CEP57: variants seen among roughly 807,000 people sequenced by gnomAD.
CEP57 encodes the protein centrosomal protein of 57 kDa.
In CEP57, 40 loss-of-function variants were observed where a neutral mutation model predicts 68.0. That is an observed-to-expected ratio of 0.59 (90% CI 0.46 to 0.77). The LOEUF (loss-of-function observed/expected upper bound fraction) is 0.77. CEP57 is among the 30% of genes least tolerant of loss of function. CEP57 has a pLI of 0.00. For synonymous variants in CEP57, 219 were observed against 198.7 expected, an observed-to-expected ratio of 1.10 and a Z score of -0.86; for missense variants, 606 against 580.7, an observed-to-expected ratio of 1.04 and a Z score of -0.45.
chr11:95,821,220 T>G (rs139952544), intron 6 of CEP57, among the ~76,000 whole-genome samples: 1 of 152,308 alleles, frequency 6.6e-6, no homozygotes, highest in East Asian at 1.9e-4. Flanking sequence ...TTGTTTTGTT[T>G]TTTTAAAAAG....
intron 7 of CEP57, 71 bp downstream of exon 7, chr11:95,822,049 CTG>C: frequency 4.0e-6 from 4 of 1,001,522 alleles, no homozygotes; most frequent in East Asian, 2.5e-5. Flanking sequence ...CACCCATAAA[CTG>C]TGTGGTGTAC....
intron 10 of CEP57, among the ~76,000 whole-genome samples, chr11:95,829,870 A>G (rs1215919579): frequency 1.3e-5 from 2 of 152,218 alleles, no homozygotes; most frequent in Non-Finnish European, 2.9e-5. Context: ...GAGATCAGCT[A>G]TAGATGTATC....
At chr11:95,820,284 G>A (rs1862465673) in intron 6 of CEP57, among the ~76,000 whole-genome samples, 1 of 152,138 alleles carries the variant, frequency 6.6e-6, no homozygotes, top group Non-Finnish European at 1.5e-5. Flanking sequence ...ATGAGGGATA[G>A]ATGTGTGGTT....
intron 1 of CEP57, chr11:95,795,443 A>C: frequency 2.4e-6 from 1 of 419,086 alleles, no homozygotes; most frequent in Non-Finnish European, 4.2e-6. Flanking sequence ...GTTTTGTTCT[A>C]TTTAGTCATG....
rs1861767922 is a variant in CEP57, at chr11:95,805,682, A to G, written c.202+6294A>G. 2.0e-5 allele frequency among the ~76,000 whole-genome samples: 3 copies of G among 152,236 alleles called. No homozygotes were observed. In the South Asian group the frequency reaches 6.2e-4, roughly 31 times the overall value. ...TACTTGGAAATGTTTTAAGATTTATATAATATAGGTGACTGTTAGAATCAA... is the reference window on the plus strand; with the variant it reads ...TACTTGGAAATGTTTTAAGATTTATGTAATATAGGTGACTGTTAGAATCAA... On this transcript the variant is annotated intron_variant, in intron 2 of 10. Coordinates refer to ENST00000325542, the MANE Select transcript of CEP57 (RefSeq NM_014679.5).
chr11:95,814,261 C>T (rs1280982005), intron 4 of CEP57, among the ~76,000 whole-genome samples: 1 of 151,758 alleles, frequency 6.6e-6, no homozygotes. Flanking sequence ...TGTGGCCAGG[C>T]TGGTCTCAAA....
Position 95,832,368 on chromosome 11 carries a change from TAGAA to T in CEP57, c.*1116_*1119del, listed in dbSNP as rs761058174. 6 of 152,128 alleles carry T rather than the reference TAGAA, an allele frequency of 3.9e-5. No homozygotes were observed. Among genetic ancestry groups the T allele is most frequent in the East Asian group, 1.9e-4 (1 of 5,190 alleles). The allele number at this position is 152,128 out of a possible 1,614,324, so 9.4% of individuals were successfully genotyped here. A position where few individuals can be genotyped will look rare whatever the true frequency, so the allele number is the denominator to read the frequency against. On this transcript the variant is annotated 3_prime_UTR_variant, in exon 11 of 11. Transcript: ENST00000325542. Reference sequence around the variant, plus strand: ...CTTAGTTGCCACACTCATGCTTACATAGAAAGAGAGCCCAAGAATATTAGATTTC... The same window carrying T: ...CTTAGTTGCCACACTCATGCTTACATAGAGAGCCCAAGAATATTAGATTTC...
At chr11:95,808,508 T>TGGAGG (rs1861909388) in intron 2 of CEP57, among the ~76,000 whole-genome samples, 2 of 151,656 alleles carry the variant, frequency 1.3e-5, no homozygotes, top group Non-Finnish European at 2.9e-5. Flanking sequence ...AGGCTCAAAA[T>TGGAGG]AAAAGGATGG....
intron 2 of CEP57, among the ~76,000 whole-genome samples, chr11:95,809,002 C>T (rs971985628): frequency 6.6e-6 from 1 of 152,206 alleles, no homozygotes; most frequent in Non-Finnish European, 1.5e-5. Flanking sequence ...AACAGACTGT[C>T]TCTCAGACCA....
chr11:95,829,045 A>C, intron 9 of CEP57, 142 bp from the exon 10 acceptor site: 1 of 908,680 alleles, frequency 1.1e-6, no homozygotes, highest in Non-Finnish European at 1.7e-6. Context: ...CCGTCTCAAA[A>C]AAAAAAAAAA....
rs371065160 is a variant in CEP57 at position 95,814,602 on chromosome 11, C to T, written c.504+1013C>T. On this transcript the variant is annotated intron_variant, in intron 4 of 10. Transcript: ENST00000325542. ...CTTGAACTGCCAACCTCATGTGATC[C>T]GCCTGCCTTGGCCTCCCAGAGTGCT... is the stretch of plus-strand genomic sequence containing the variant. Among the ~76,000 whole-genome samples, 11 of 152,052 alleles carry T rather than the reference C, an allele frequency of 7.2e-5. No individual in the cohort carries two copies. The East Asian group carries it at 7.7e-4, about 11-fold the overall frequency.
Position 95,818,871 on chromosome 11 carries a change from G to A in CEP57, c.666G>A (p.Gln222=). The A allele has an allele frequency of 6.2e-7, 1 of 1,614,016 alleles. No individual in the cohort carries two copies. Among genetic ancestry groups the A allele is most frequent in the Non-Finnish European group, 8.5e-7 (1 of 1,179,938 alleles). ...AAGCAAAACTCCATGAAGAAGAACA[G>A]GAAAGGAAACGCATGCAAGCTAAGG... ...ELEAKLHEEE[Q]ERKRMQAKAA... The change falls in exon 6 of 11, where the codon CAG becomes CAA. Residue 222 remains glutamine (Q), a synonymous_variant. Transcript: ENST00000325542.
intron 10 of CEP57, among the ~76,000 whole-genome samples, chr11:95,829,788 C>T (rs1411039935): frequency 6.6e-6 from 1 of 152,086 alleles, no homozygotes; most frequent in East Asian, 1.9e-4. Flanking sequence ...CAGAGAGAAA[C>T]ATGATTCATA....
In CEP57 at chr11:95,822,995, A is replaced by C. The variant is rs1392474948; in HGVS notation, c.885+419A>C. 3 of 233,420 alleles carry C rather than the reference A, an allele frequency of 1.3e-5. No homozygotes were observed. In the Admixed American group the frequency reaches 1.5e-4, roughly 12 times the overall value. The allele number at this position is 233,420 out of a possible 1,614,324, so 14.5% of individuals were successfully genotyped here. A position where few individuals can be genotyped will look rare whatever the true frequency, so the allele number is the denominator to read the frequency against. ...TCACATCCAGATCATTTCTAGGACTAATTCTCCAAGAAGCAGTCATACGTA... is the reference window on the plus strand; with the variant it reads ...TCACATCCAGATCATTTCTAGGACTCATTCTCCAAGAAGCAGTCATACGTA... On this transcript the variant is annotated intron_variant, in intron 8 of 10. Transcript: ENST00000325542.
chr11:95,790,474 A>G (rs1860964630), upstream of CEP57: 3 of 598,636 alleles, frequency 5.0e-6, no homozygotes, highest in East Asian at 8.3e-5. Flanking sequence ...TGGCTAGGAA[A>G]GACGTCCGTT....
intron 2 of CEP57, among the ~76,000 whole-genome samples, chr11:95,803,142 A>C (rs757182495): frequency 6.6e-6 from 1 of 152,136 alleles, no homozygotes; most frequent in Non-Finnish European, 1.5e-5. Flanking sequence ...GTTGTGGGGA[A>C]TGAGGAAGAT....
At chr11:95,822,120 A>G in intron 7 of CEP57, 142 bp downstream of exon 7, 1 of 691,510 alleles carries the variant, frequency 1.4e-6, no homozygotes, top group South Asian at 1.6e-5. Context: ...AGGTGGAGAT[A>G]AGTAATACCT....
intron 10 of CEP57, 116 bp from the exon 11 acceptor site, chr11:95,830,910 T>TCGAG (rs1862971833): frequency 1.4e-6 from 1 of 714,906 alleles, no homozygotes; most frequent in African/African-American, 1.8e-5. Flanking sequence ...AATGTATTAT[T>TCGAG]TTTCAGTTAG....
chr11:95,823,069 CAT>C (rs1388974533), intron 8 of CEP57: 2 of 184,092 alleles, frequency 1.1e-5, no homozygotes, highest in Non-Finnish European at 2.3e-5. Context: ...GCTGTATTGT[CAT>C]ATATCAAGTA....
Sources: gnomAD v4.1 joint callset for allele counts (sites outside exome capture counted in the v4.1 genomes callset) on GRCh38, gnomAD v4.1.1 for gene constraint, MANE v1.5 for transcripts, NCBI Gene and HGNC (gene_info 2026-07-23, HGNC 2026-07-21) for gene names.